The following RHBDL2 variants were observed in gnomAD, a reference collection of about 807,000 sequenced individuals.
RHBDL2 encodes the protein rhomboid-related protein 2.
Under a neutral mutation model 31.7 loss-of-function variants are expected in RHBDL2, and 26 were observed. The observed-to-expected ratio is 0.82, with a 90% CI of 0.60 to 1.14. RHBDL2 has a LOEUF of 1.14. Among genes scored for constraint, RHBDL2 ranks in the 50% most tolerant of loss-of-function variants. The pLI is 0.00. For missense variants in RHBDL2, 336 were observed against 364.4 expected, an observed-to-expected ratio of 0.92 and a Z score of 0.63; for synonymous variants, 123 against 127.2, an observed-to-expected ratio of 0.97 and a Z score of 0.22.
chr1:38,933,028 G>A (rs998840932), intron 1 of RHBDL2, among the ~76,000 whole-genome samples: 11 of 152,028 alleles, frequency 7.2e-5, no homozygotes, highest in African/African-American at 2.4e-4. Flanking sequence ...ATTAACTCTC[G>A]GCTTAAAAAT....
At chr1:38,911,491 C>T (rs961827358) in intron 3 of RHBDL2, 57 bp from the exon 4 acceptor site, 15 of 1,153,458 alleles carry the variant, frequency 1.3e-5, no homozygotes, top group Non-Finnish European at 1.7e-5. Flanking sequence ...AGTTATTTCC[C>T]TGGGAGATGA....
At chr1:38,893,327 T>C (rs925182015) in intron 5 of RHBDL2, 103 bp from the exon 6 acceptor site, 1 of 577,930 alleles carries the variant, frequency 1.7e-6, no homozygotes, top group Admixed American at 3.0e-5. Context: ...AATCTTCCAG[T>C]ATCAAATATT....
intron 4 of RHBDL2, among the ~76,000 whole-genome samples, chr1:38,904,767 C>T (rs1171833897): frequency 1.3e-5 from 2 of 150,004 alleles, no homozygotes; most frequent in Non-Finnish European, 3.0e-5. Flanking sequence ...CGCGGTGGCT[C>T]ACGCCTGTAA....
intron 1 of RHBDL2, among the ~76,000 whole-genome samples, chr1:38,933,315 C>T (rs914979314): frequency 6.6e-6 from 1 of 152,154 alleles, no homozygotes; most frequent in African/African-American, 2.4e-5. Flanking sequence ...CCTTCATAAC[C>T]TGTAGCACGT....
chr1:38,903,203 G>A (rs189989086), intron 4 of RHBDL2, among the ~76,000 whole-genome samples: 91 of 151,692 alleles, frequency 6.0e-4, no homozygotes, highest in African/African-American at 2.1e-3. Context: ...GCAATGGCGC[G>A]ATCTTGGCTC....
chr1:38,916,130 C>T (rs1268943486), intron 2 of RHBDL2, among the ~76,000 whole-genome samples: 4 of 152,226 alleles, frequency 2.6e-5, no homozygotes, highest in African/African-American at 9.6e-5. Context: ...AAAATAGTCA[C>T]TTGCCAGGGG....
chr1:38,915,812 G>T, intron 2 of RHBDL2, 102 bp from the exon 3 acceptor site: 1 of 1,069,962 alleles, frequency 9.3e-7, no homozygotes, highest in Non-Finnish European at 1.4e-6. Flanking sequence ...CAGCTCTCAA[G>T]TGGGCCACAC....
intron 1 of RHBDL2, among the ~76,000 whole-genome samples, chr1:38,921,169 G>A (rs1643310122): frequency 6.6e-6 from 1 of 152,172 alleles, no homozygotes; most frequent in East Asian, 1.9e-4. Flanking sequence ...ATCACTTGAG[G>A]TCAGGAGTTT....
chr1:38,896,575 A>G (rs1406934678), intron 4 of RHBDL2, among the ~76,000 whole-genome samples: 1 of 152,216 alleles, frequency 6.6e-6, no homozygotes. Flanking sequence ...TCAACCTAAT[A>G]TTATTGCAAA....
intron 1 of RHBDL2, among the ~76,000 whole-genome samples, chr1:38,935,838 T>C (rs952573649): frequency 2.0e-5 from 3 of 152,136 alleles, no homozygotes; most frequent in Admixed American, 6.6e-5. Flanking sequence ...GGTCTCGAAC[T>C]CCTGAGCTCA....
chr1:38,925,929 C>T, intron 1 of RHBDL2: 2 of 1,264,526 alleles, frequency 1.6e-6, no homozygotes, highest in Non-Finnish European at 2.1e-6. Context: ...TTATAATGGG[C>T]CTTTGGGAGT....
In RHBDL2 at chr1:38,929,743, T is replaced by C. The variant is rs554408751; in HGVS notation, c.-125-10406A>G. The C allele has an allele frequency of 1.2e-3, 227 of 190,568 alleles. 1 individual carries two copies. The highest frequency in any genetic ancestry group is 2.0e-3 in the Non-Finnish European group (206 of 103,332). The allele number at this position is 190,568 out of a possible 1,614,324, so 11.8% of individuals were successfully genotyped here. ...GCCTGGGTAATTGGAGAGGCCAGGA[T>C]TGGACTTCTGGGCCACAGAGCTTAG... On this transcript the variant is annotated intron_variant, in intron 1 of 7. Coordinates refer to ENST00000372990, the MANE Select transcript of RHBDL2 (RefSeq NM_017821.5).
chr1:38,890,393 A>G (rs1432234809), intron 6 of RHBDL2, among the ~76,000 whole-genome samples: 1 of 152,144 alleles, frequency 6.6e-6, no homozygotes, highest in East Asian at 1.9e-4. Context: ...AAGTGTTTTT[A>G]AAAAACACTG....
At position 38,939,702 on chromosome 1, in the gene RHBDL2, G is replaced by A. The variant is rs551433773; in HGVS notation, c.-126+1980C>T. ...CTACAGGTGCACACCACCACACCAG[G>A]CTAATTTTGTTTTATTTTTTGTAGA... On this transcript the variant is annotated intron_variant, in intron 1 of 7. Transcript: ENST00000372990. Among the ~76,000 whole-genome samples the A allele has an allele frequency of 1.8e-3, 277 of 152,092 alleles. 1 individual carries two copies. The highest frequency in any genetic ancestry group is 6.4e-3 in the African/African-American group (265 of 41,490).
rs189430522 is a variant in RHBDL2, at chr1:38,888,356, G to T, written c.671-332C>A. ...GCTGACAAACTGTTGGGGGGTATGT[G>T]GGGGGGTGATTGGTAGGGAGGCAAA... On this transcript the variant is annotated intron_variant, in intron 6 of 7. Coordinates refer to ENST00000372990, the MANE Select transcript of RHBDL2 (RefSeq NM_017821.5). Among the ~76,000 whole-genome samples, 17 of 146,530 alleles carry T rather than the reference G, an allele frequency of 1.2e-4. 1 individual carries two copies. Among genetic ancestry groups the T allele is most frequent in the African/African-American group, 2.0e-4 (8 of 41,000 alleles).
chr1:38,935,184 C>T (rs1643483243), intron 1 of RHBDL2, among the ~76,000 whole-genome samples: 1 of 152,118 alleles, frequency 6.6e-6, no homozygotes, highest in Admixed American at 6.6e-5. Context: ...GTTGGCAAAG[C>T]CTGTCCTCAC....
At chr1:38,917,336 A>G (rs904477969) in intron 2 of RHBDL2, among the ~76,000 whole-genome samples, 1 of 152,158 alleles carries the variant, frequency 6.6e-6, no homozygotes, top group Non-Finnish European at 1.5e-5. Context: ...TTTCTGTTCT[A>G]TCTTTACAAT....
intron 1 of RHBDL2, among the ~76,000 whole-genome samples, chr1:38,931,885 G>C (rs1275037901): frequency 6.6e-6 from 1 of 152,156 alleles, no homozygotes; most frequent in Non-Finnish European, 1.5e-5. Flanking sequence ...GTAGACTAAA[G>C]ACGGAGCATA....
intron 5 of RHBDL2, among the ~76,000 whole-genome samples, chr1:38,894,697 C>CTTTTCTTTTCTTTTTTTTTTTTT (rs1557608827): frequency 4.5e-5 from 3 of 67,372 alleles, no homozygotes; most frequent in Admixed American, 1.9e-4. Context: ...TCTTTTTTTT[C>CTTTTCTTTTCTTTTTTTTTTTTT]TTTTTTTTTC....
Sources: allele counts gnomAD v4.1 joint callset (sites outside exome capture counted in the v4.1 genomes callset), GRCh38; gene constraint gnomAD v4.1.1; transcripts MANE v1.5; gene names NCBI Gene and HGNC (gene_info 2026-07-23, HGNC 2026-07-21).